HERC4: variants seen among roughly 807,000 people sequenced by gnomAD.
HERC4 encodes the protein HECT and RLD domain containing E3 ubiquitin protein ligase 4, also known as probable E3 ubiquitin-protein ligase HERC4.
In HERC4, 28 loss-of-function variants were observed where a neutral mutation model predicts 124.3. That is an observed-to-expected ratio of 0.23 (90% CI 0.17 to 0.31). The LOEUF (loss-of-function observed/expected upper bound fraction) is 0.31, where lower values mean the gene tolerates loss of function less well. HERC4 is among the 10% of genes least tolerant of loss of function. The probability of loss-of-function intolerance (pLI) is 1.00; values close to 1 mark genes in which losing one functional copy is unlikely to be tolerated. For missense variants in HERC4, 713 were observed against 1,229.3 expected (o/e 0.58, Z 6.28); for synonymous variants, 407 against 421.5 (o/e 0.97, Z 0.42).
chr10:67,923,210 C>T, intron 24 of HERC4, 71 bp from the exon 25 acceptor site: 1 of 1,126,216 alleles, frequency 8.9e-7, no homozygotes, highest in Non-Finnish European at 1.3e-6. Flanking sequence ...ATATTTGGTA[C>T]AGTCGCTACA....
chr10:68,037,188 G>A lies in HERC4; in HGVS notation c.463+905C>T, dbSNP rs77839284. Reference sequence around the variant, plus strand: ...TGGCTCACTGCAACTTCCGCCTCCCGGGTTCAAGCGATTCTCCTGCCTCAG... The same window carrying A: ...TGGCTCACTGCAACTTCCGCCTCCCAGGTTCAAGCGATTCTCCTGCCTCAG... On this transcript the variant is annotated intron_variant, in intron 5 of 24. Transcript: ENST00000373700. Among the ~76,000 whole-genome samples, 3,994 of 149,314 alleles carry A rather than the reference G, an allele frequency of 0.027. 394 individuals are homozygous for A. The East Asian group carries it at 0.32, about 12-fold the overall frequency.
intron 9 of HERC4, among the ~76,000 whole-genome samples, chr10:68,002,512 T>C (rs963211970): frequency 6.6e-6 from 1 of 151,192 alleles, no homozygotes; most frequent in Non-Finnish European, 1.5e-5. Context: ...GCAAGAATAA[T>C]AGATAAAAAA....
rs899276631 is a variant in HERC4, at chr10:67,990,920, G to A, written c.1427C>T (p.Pro476Leu). Residue 476 changes from proline (P) to leucine (L), a missense_variant, in exon 13 of 25, where the codon CCG (proline) becomes CTG (leucine). Transcript: ENST00000373700. ...LFHKLIQPDH[P>L]QISQQVAASL... The stretch of plus-strand genomic sequence containing the variant: ...AAAACAGACCTGCTGAGATATCTGC[G>A]GATGATCAGGTTGTATAAGTTTGTG... 12 of 1,594,382 alleles carry A rather than the reference G, an allele frequency of 7.5e-6. No homozygotes were observed. The highest frequency in any genetic ancestry group is 2.2e-5 in the East Asian group (1 of 44,606).
chr10:67,941,904 C>T (rs75993472), intron 19 of HERC4, among the ~76,000 whole-genome samples: 6 of 152,010 alleles, frequency 3.9e-5, no homozygotes, highest in South Asian at 2.1e-4. Flanking sequence ...GATCTGCTCA[C>T]GTCAGCCTCC....
chr10:68,029,005 T>C (rs1010446918), intron 7 of HERC4, among the ~76,000 whole-genome samples: 6 of 151,794 alleles, frequency 4.0e-5, no homozygotes, highest in East Asian at 1.9e-4. Context: ...ACACCATCTC[T>C]ACAAAAAATA....
intron 3 of HERC4, among the ~76,000 whole-genome samples, chr10:68,072,010 A>G (rs2041598763): frequency 1.3e-5 from 2 of 152,188 alleles, no homozygotes; most frequent in Non-Finnish European, 2.9e-5. Context: ...GAAACCACCT[A>G]ATTAATAAAC....
At chr10:67,924,472 A>T (rs1331359215) in intron 24 of HERC4, among the ~76,000 whole-genome samples, 1 of 152,182 alleles carries the variant, frequency 6.6e-6, no homozygotes, top group Non-Finnish European at 1.5e-5. Flanking sequence ...ACTGTACTGA[A>T]TTCTGTAGGT....
rs139687526 is a variant in HERC4 at position 67,991,240 on chromosome 10, A to C, written c.1272-41T>G. ...AAGTTTTTTTAATCATAGAATCAGA[A>C]ATTTAATTGTTTACCCTTTCTTAAA... is the stretch of plus-strand genomic sequence containing the variant. On this transcript the variant is annotated intron_variant, in intron 11 of 24. Transcript: ENST00000373700. 1.9e-4 allele frequency: 214 copies of C among 1,144,148 alleles called. 2 individuals carry two copies. The East Asian group carries it at 5.3e-3, about 28-fold the overall frequency. The allele number at this position is 1,144,148 out of a possible 1,614,324, so 70.9% of individuals were successfully genotyped here. A position where few individuals can be genotyped will look rare whatever the true frequency, so the allele number is the denominator to read the frequency against.
At chr10:68,038,231 C>T in intron 4 of HERC4, 62 bp from the exon 5 acceptor site, 1 of 786,748 alleles carries the variant, frequency 1.3e-6, no homozygotes, top group Non-Finnish European at 2.0e-6. Flanking sequence ...ATCTTGAATG[C>T]TATTTATGTT....
intron 23 of HERC4, 104 bp from the exon 24 acceptor site, chr10:67,925,291 T>A (rs2030770286): frequency 1.7e-6 from 1 of 579,682 alleles, no homozygotes; most frequent in Non-Finnish European, 3.1e-6. Flanking sequence ...TGCAATTCAA[T>A]GGATTGCCCA....
chr10:67,941,357 A>T (rs991503617), intron 19 of HERC4, among the ~76,000 whole-genome samples: 2 of 149,668 alleles, frequency 1.3e-5, no homozygotes, highest in Non-Finnish European at 3.0e-5. Context: ...CGACTTTACA[A>T]CTGTTTTCTC....
At chr10:67,986,550 T>C (rs1205260404) in intron 15 of HERC4, among the ~76,000 whole-genome samples, 1 of 151,762 alleles carries the variant, frequency 6.6e-6, no homozygotes, top group Non-Finnish European at 1.5e-5. Context: ...GGAGACGGGG[T>C]TTCACCATGT....
chr10:67,961,066 C>T (rs2034484235), intron 16 of HERC4: 1 of 237,004 alleles, frequency 4.2e-6, no homozygotes. Context: ...CAACACAGAA[C>T]AGATGAAGCA....
At position 67,960,907 on chromosome 10, in the gene HERC4, T is replaced by C. The variant is rs752284482; in HGVS notation, c.1927-3931A>G. The C allele has an allele frequency of 1.7e-5, 5 of 302,158 alleles. No homozygotes were observed. The East Asian group carries it at 3.6e-4, about 22-fold the overall frequency. 18.7% of individuals were successfully genotyped at this position (302,158 alleles called of 1,614,324 possible). A position where few individuals can be genotyped will look rare whatever the true frequency, so the allele number is the denominator to read the frequency against. On this transcript the variant is annotated intron_variant, in intron 16 of 24. Transcript: ENST00000373700. ...AGACTGGCAAGCCTTTTCTTTATCT[T>C]TTCCAATGTTTATTGACCACTTCTT...
At chr10:68,074,682 A>G (rs1265818652) in intron 1 of HERC4, 1 of 152,376 alleles carries the variant, frequency 6.6e-6, no homozygotes, top group Non-Finnish European at 1.5e-5. Context: ...GACTACCGCA[A>G]CCGGCCGCTC....
intron 3 of HERC4, 44 bp from the exon 4 acceptor site, chr10:68,044,607 T>A (rs1318812998): frequency 2.6e-6 from 4 of 1,564,654 alleles, no homozygotes; most frequent in Admixed American, 3.7e-5. Flanking sequence ...AGTACAGAAA[T>A]CAAGGAAAAA....
Position 67,932,764 on chromosome 10 carries a change from C to G in HERC4, c.2671G>C (p.Ala891Pro). Residue 891 changes from alanine (A) to proline (P), a missense_variant, in exon 23 of 25, where the codon GCT (alanine) becomes CCT (proline). Ala to Pro is a conservative substitution (Grantham distance 27). Coordinates refer to ENST00000373700, the MANE Select transcript of HERC4 (RefSeq NM_015601.4). ...NKQNRQEFVD[A>P]YVDYIFNKSV... is the part of the protein sequence containing the mutation. The stretch of plus-strand genomic sequence containing the variant: ...TTATTGAATATGTAATCCACATAAG[C>G]ATCGACAAACTCTTGCCTAGAAATG... 1.9e-6 allele frequency: 3 copies of G among 1,593,580 alleles called. No individual in the cohort carries two copies.
chr10:68,051,376 G>T (rs1295855198), intron 3 of HERC4, among the ~76,000 whole-genome samples: 45 of 132,264 alleles, frequency 3.4e-4, no homozygotes, highest in Admixed American at 9.5e-4. Context: ...ACAGAGTCTC[G>T]CTCTGTCGCC....
chr10:67,992,285 C>T lies in HERC4; in HGVS notation c.1185G>A (p.Pro395=), dbSNP rs371703905. ...CATTCACTGTCCAGATCTGCTTTGT[C>T]GGATTGGGACATCTGAAGTCATCTG... The part of the protein sequence containing the change: ...GPPDDFRCPN[P]TKQIWTVNEA... The change falls in exon 11 of 25, where the codon CCG becomes CCA. Residue 395 remains proline (P), a synonymous_variant. Coordinates refer to ENST00000373700, the MANE Select transcript of HERC4 (RefSeq NM_015601.4). 4.9e-5 allele frequency: 79 copies of T among 1,613,894 alleles called. No individual in the cohort carries two copies. The highest frequency in any genetic ancestry group is 2.0e-4 in the Admixed American group (12 of 60,018).
Sources: allele counts gnomAD v4.1 joint callset (sites outside exome capture counted in the v4.1 genomes callset), GRCh38; gene constraint gnomAD v4.1.1; transcripts MANE v1.5; gene names NCBI Gene and HGNC (gene_info 2026-07-23, HGNC 2026-07-21).